Variants in BCAR3 observed in about 807,000 individuals in gnomAD.
BCAR3 encodes breast cancer anti-estrogen resistance protein 3.
BCAR3 carries 37 observed loss-of-function variants against 80.1 expected under a neutral mutation model. The observed-to-expected ratio is 0.46, with a 90% CI of 0.36 to 0.61. The LOEUF is 0.61. BCAR3 is among the 20% of genes least tolerant of loss of function. BCAR3 has a pLI of 0.00. For synonymous variants in BCAR3, 389 were observed against 418.9 expected (o/e 0.93, Z 0.87); for missense variants, 978 against 1,068.2 (o/e 0.92, Z 1.18).
chr1:93,735,482 A>T (rs531448335), intron 2 of BCAR3, among the ~76,000 whole-genome samples: 1 of 152,210 alleles, frequency 6.6e-6, no homozygotes, highest in African/African-American at 2.4e-5. Context: ...ATCCCATATT[A>T]AAAAATTATT....
intron 2 of BCAR3, among the ~76,000 whole-genome samples, chr1:93,801,339 C>G (rs1242959468): frequency 2.0e-5 from 3 of 152,240 alleles, no homozygotes; most frequent in Non-Finnish European, 4.4e-5. Context: ...GCAAGTTTCA[C>G]TAGTTCCAAA....
intron 5 of BCAR3, chr1:93,584,966 T>G: frequency 1.0e-6 from 1 of 980,416 alleles, no homozygotes; most frequent in Non-Finnish European, 1.2e-6. Flanking sequence ...CGAAGTTCTT[T>G]CCTACCTTTA....
chr1:93,796,707 G>C (rs1028809147), intron 2 of BCAR3, among the ~76,000 whole-genome samples: 3 of 152,096 alleles, frequency 2.0e-5, no homozygotes, highest in Admixed American at 6.6e-5. Context: ...ATTTGTCTTC[G>C]CTTCCAAACA....
chr1:93,713,992 G>GT (rs938465920), intron 2 of BCAR3, among the ~76,000 whole-genome samples: 43 of 151,830 alleles, frequency 2.8e-4, no homozygotes, highest in Non-Finnish European at 4.6e-4. Flanking sequence ...AGATTCAACT[G>GT]TTTTTTTTGA....
chr1:93,592,441 GGC>G lies in BCAR3; in HGVS notation c.358-50_358-49del, dbSNP rs760834281. ...AGCTCACCCTGCCCAGGCCACACCA[GGC>G]CATGCCAGCTGGAGGTGACCGCCTG... On this transcript the variant is annotated intron_variant, in intron 3 of 11. Transcript: ENST00000260502. This position sits in a 1 kb window ranked among gnomAD's most constrained non-coding sequence, Gnocchi z 4.8. The G allele has an allele frequency of 6.5e-7, 1 of 1,532,996 alleles. No homozygotes were observed. The highest frequency in any genetic ancestry group is 8.7e-7 in the Non-Finnish European group (1 of 1,148,426). 95.0% of individuals were successfully genotyped at this position (1,532,996 alleles called of 1,614,324 possible). A position where few individuals can be genotyped will look rare whatever the true frequency, so the allele number is the denominator to read the frequency against.
At chr1:93,838,329 C>T (rs950229878) in intron 2 of BCAR3, among the ~76,000 whole-genome samples, 2 of 152,174 alleles carry the variant, frequency 1.3e-5, no homozygotes, top group Non-Finnish European at 2.9e-5. Flanking sequence ...TGAGGAGCAT[C>T]CTGTCTTTAT....
chr1:93,628,976 CT>C (rs948915952), intron 3 of BCAR3, among the ~76,000 whole-genome samples: 3 of 152,210 alleles, frequency 2.0e-5, no homozygotes, highest in African/African-American at 7.2e-5. Flanking sequence ...TTAACTATAA[CT>C]GTATTTCATA....
chr1:93,804,659 T>C (rs536635154), intron 2 of BCAR3, among the ~76,000 whole-genome samples: 1 of 152,338 alleles, frequency 6.6e-6, no homozygotes, highest in East Asian at 1.9e-4. Flanking sequence ...GGATGCAATT[T>C]AAAACTTGGA....
In BCAR3 at chr1:93,586,678, G is replaced by A. The variant is rs79133902; in HGVS notation, c.929+2299C>T. Among the ~76,000 whole-genome samples the A allele has an allele frequency of 7.2e-5, 11 of 152,174 alleles. No homozygotes were observed. The highest frequency in any genetic ancestry group is 2.7e-4 in the African/African-American group (11 of 41,436). On this transcript the variant is annotated intron_variant, in intron 5 of 11. Transcript: ENST00000260502. This position sits in a 1 kb window ranked among gnomAD's most constrained non-coding sequence, Gnocchi z 4.2. The stretch of plus-strand genomic sequence containing the variant: ...ACATTCCCCTCAACAGTGTAGGAGG[G>A]TTCCCTTTTCCCCACAATCCTCACC...
chr1:93,788,141 G>C (rs967917151), intron 2 of BCAR3, among the ~76,000 whole-genome samples: 36 of 151,976 alleles, frequency 2.4e-4, no homozygotes, highest in Non-Finnish European at 2.2e-4. Context: ...ACTCCTGCTT[G>C]CTTGCTCTTG....
At chr1:93,591,052 A>G (rs1013421792) in intron 4 of BCAR3, among the ~76,000 whole-genome samples, 4 of 152,030 alleles carry the variant, frequency 2.6e-5, no homozygotes, top group African/African-American at 9.7e-5. Context: ...AATTATGGAT[A>G]AGAGTTTAAT....
At position 93,717,820 on chromosome 1, in the gene BCAR3, G is replaced by A. The variant is rs543257131; in HGVS notation, c.-62-11678C>T. Among the ~76,000 whole-genome samples, 10 of 152,256 alleles carry A rather than the reference G, an allele frequency of 6.6e-5. No homozygotes were observed. In the East Asian group the frequency reaches 1.9e-3, roughly 29 times the overall value. On this transcript the variant is annotated intron_variant, in intron 2 of 13. Coordinates refer to the BCAR3 transcript ENST00000370244. ...GTTTCCTTTGCAGGGTTGTTATTGG[G>A]GCTGCTCATTGTGGAAAATTGCGTA...
At chr1:93,825,748 C>T (rs375831121) in intron 2 of BCAR3, among the ~76,000 whole-genome samples, 2 of 152,156 alleles carry the variant, frequency 1.3e-5, no homozygotes, top group East Asian at 3.9e-4. Context: ...ATTTAAAGGG[C>T]CCGCAGCAGC....
Position 93,710,885 on chromosome 1 carries a change from C to T in BCAR3, c.-62-4743G>A, listed in dbSNP as rs75076934. ...GCTCGATGGTTCTGGTTCAGGGTTT[C>T]TCAAGAGGTTACATTCAGGCTGTCA... is the stretch of plus-strand genomic sequence containing the variant. On this transcript the variant is annotated intron_variant, in intron 2 of 13. Coordinates refer to the BCAR3 transcript ENST00000370244. 3.1e-3 allele frequency among the ~76,000 whole-genome samples: 477 copies of T among 152,338 alleles called. 5 individuals carry two copies. The highest frequency in any genetic ancestry group is 0.011 in the African/African-American group (451 of 41,568).
chr1:93,799,249 G>T (rs907359598), intron 2 of BCAR3, among the ~76,000 whole-genome samples: 3 of 152,196 alleles, frequency 2.0e-5, no homozygotes, highest in Non-Finnish European at 4.4e-5. Context: ...TGATGCCATG[G>T]CTTCCATAAA....
At chr1:93,627,254 A>G (rs188220365) in intron 3 of BCAR3, among the ~76,000 whole-genome samples, 1 of 152,350 alleles carries the variant, frequency 6.6e-6, no homozygotes, top group Admixed American at 6.5e-5. Flanking sequence ...GCATGATGAT[A>G]TAAACTCATG....
intron 2 of BCAR3, among the ~76,000 whole-genome samples, chr1:93,740,682 C>T (rs1184103946): frequency 6.6e-6 from 1 of 152,148 alleles, no homozygotes; most frequent in East Asian, 1.9e-4. Context: ...CCCACAGGAT[C>T]AGTCGCTCAG....
In BCAR3 at chr1:93,600,347, A is replaced by G. The variant is rs540368417; in HGVS notation, c.358-7954T>C. 9.5e-4 allele frequency among the ~76,000 whole-genome samples: 144 copies of G among 152,282 alleles called. 2 individuals are homozygous for G. Among genetic ancestry groups the G allele is most frequent in the African/African-American group, 2.8e-3 (115 of 41,560 alleles). On this transcript the variant is annotated intron_variant, in intron 3 of 11. Coordinates refer to ENST00000260502, the MANE Select transcript of BCAR3 (RefSeq NM_003567.4). ...TTTGCTAGGAGGCCCAGATCATGAG[A>G]GGGCTGTGGATGCAAACAGGAAGCG...
At chr1:93,827,315 T>C (rs375272637) in intron 2 of BCAR3, among the ~76,000 whole-genome samples, 5 of 152,058 alleles carry the variant, frequency 3.3e-5, no homozygotes, top group Non-Finnish European at 7.4e-5. Context: ...ACATATGGCA[T>C]GATTTGAGTT....
Sources: allele counts gnomAD v4.1 joint callset (sites outside exome capture counted in the v4.1 genomes callset), GRCh38; gene constraint gnomAD v4.1.1; non-coding constraint Gnocchi (gnomAD v3.1); transcripts MANE v1.5; gene names NCBI Gene and HGNC (gene_info 2026-07-23, HGNC 2026-07-21).